MYO9B: variants seen among roughly 807,000 people sequenced by gnomAD.
MYO9B encodes myosin IXB.
Under a neutral mutation model 229.5 loss-of-function variants are expected in MYO9B, and 71 were observed. The observed-to-expected ratio is 0.31, with a 90% CI of 0.26 to 0.38. MYO9B has a LOEUF of 0.38. MYO9B is among the 10% of genes least tolerant of loss of function. MYO9B has a pLI of 1.00. For synonymous variants in MYO9B, 1,185 were observed against 1,235.8 expected (o/e 0.96, Z 0.86); for missense variants, 2,255 against 2,920.5 (o/e 0.77, Z 5.25).
At chr19:17,143,449 G>A (rs147160344) in intron 2 of MYO9B, among the ~76,000 whole-genome samples, 45 of 152,288 alleles carry the variant, frequency 3.0e-4, no homozygotes, top group African/African-American at 1.1e-3. Context: ...GAGGCCTATA[G>A]AAGCTCCATC....
At chr19:17,124,543 G>A (rs977437522) in intron 2 of MYO9B, among the ~76,000 whole-genome samples, 5 of 151,830 alleles carry the variant, frequency 3.3e-5, no homozygotes, top group Non-Finnish European at 5.9e-5. Context: ...AGGCCAAGGC[G>A]GGCAGATCAC....
intron 4 of MYO9B, 135 bp downstream of exon 4, chr19:17,152,841 A>G (rs2145270835): frequency 1.4e-6 from 1 of 716,602 alleles, no homozygotes; most frequent in Non-Finnish European, 2.3e-6. Flanking sequence ...TCACAGGAGC[A>G]GGGCCTGCCC....
chr19:17,107,802 C>CCCCG (rs1210530919), intron 2 of MYO9B, among the ~76,000 whole-genome samples: 1 of 152,218 alleles, frequency 6.6e-6, no homozygotes, highest in Non-Finnish European at 1.5e-5. Flanking sequence ...GCCCATCCTA[C>CCCCG]CCCGGCATGA....
intron 24 of MYO9B, 81 bp from the exon 25 acceptor site, chr19:17,200,212 A>G (rs950704092): frequency 6.7e-7 from 1 of 1,503,430 alleles, no homozygotes; most frequent in Non-Finnish European, 9.0e-7. Flanking sequence ...AGCATTTGCC[A>G]TGTGTCCAGT....
At chr19:17,183,909 A>T (rs756855288) in intron 16 of MYO9B, 41 bp downstream of exon 16, 1 of 1,536,690 alleles carries the variant, frequency 6.5e-7, no homozygotes, top group South Asian at 1.2e-5. Context: ...GTTCCAAGAT[A>T]TCTTGCTTCT....
At chr19:17,080,589 G>A (rs1213082400) in intron 1 of MYO9B, among the ~76,000 whole-genome samples, 1 of 152,130 alleles carries the variant, frequency 6.6e-6, no homozygotes, top group Non-Finnish European at 1.5e-5. Flanking sequence ...GTCTCTAGGC[G>A]AGGCTTGGTG....
chr19:17,206,225 G>GTGCCCCCCCCC, intron 32 of MYO9B, 23 bp from the exon 33 acceptor site: 1 of 1,564,664 alleles, frequency 6.4e-7, no homozygotes, highest in Non-Finnish European at 8.7e-7. Flanking sequence ...CCGCTCACCA[G>GTGCCCCCCCCC]ACCCACCCCA....
Position 17,163,044 on chromosome 19 carries a change from C to G in MYO9B, c.1593C>G (p.Ser531Arg). 6.2e-7 allele frequency: 1 copy of G among 1,603,184 alleles called. No individual in the cohort carries two copies. The highest frequency in any genetic ancestry group is 8.5e-7 in the Non-Finnish European group (1 of 1,174,792). The part of the protein sequence containing the change: ...IFGFEDFERN[S>R]FEQFCINYAN... ...GGTTTGAAGACTTCGAGAGGAACAG[C>G]TTTGAGCAGTTCTGCATCAACTACG... Residue 531 changes from serine to arginine, a missense_variant, in exon 10 of 40, where the codon AGC becomes AGG. This residue lies in a region of MYO9B where 220 missense variants were observed against 404.5 expected (regional missense o/e 0.54). Coordinates refer to ENST00000682292, the MANE Select transcript of MYO9B (RefSeq NM_004145.4).
chr19:17,142,032 G>A (rs1568270931), intron 2 of MYO9B, among the ~76,000 whole-genome samples: 1 of 152,122 alleles, frequency 6.6e-6, no homozygotes, highest in South Asian at 2.1e-4. Flanking sequence ...TTAAAAATTA[G>A]CCAAGCATGG....
At chr19:17,091,652 G>A (rs2057639733) in intron 1 of MYO9B, among the ~76,000 whole-genome samples, 1 of 152,202 alleles carries the variant, frequency 6.6e-6, no homozygotes, top group African/African-American at 2.4e-5. Context: ...TGTGGGAGCA[G>A]GAGAGGACCA....
chr19:17,182,957 T>C (rs948619448), intron 15 of MYO9B, among the ~76,000 whole-genome samples: 1 of 152,026 alleles, frequency 6.6e-6, no homozygotes, highest in African/African-American at 2.4e-5. Context: ...AGTCTCTCTC[T>C]GTCACCCAGG....
intron 2 of MYO9B, among the ~76,000 whole-genome samples, chr19:17,116,086 G>A (rs931904674): frequency 6.6e-6 from 1 of 152,142 alleles, no homozygotes; most frequent in South Asian, 2.1e-4. Flanking sequence ...GCTGGCAGGA[G>A]CTGTGCGGGG....
Position 17,102,313 on chromosome 19 carries a change from A to C in MYO9B, c.596A>C (p.Tyr199Ser). The change falls in exon 2 of 40, where the codon TAC (tyrosine) becomes TCC (serine). Residue 199 changes from tyrosine (Y) to serine (S), a missense_variant. Coordinates refer to ENST00000682292, the MANE Select transcript of MYO9B (RefSeq NM_004145.4). The stretch of plus-strand genomic sequence containing the variant: ...TTCCTGCCCATCTACAACCCCAAGT[A>C]CGTGAAGATGTATGAGAACCAGCAG... ...FKFLPIYNPK[Y>S]VKMYENQQLG... 6.2e-7 allele frequency: 1 copy of C among 1,614,034 alleles called. No individual in the cohort carries two copies. Among genetic ancestry groups the C allele is most frequent in the Non-Finnish European group, 8.5e-7 (1 of 1,179,888 alleles).
At chr19:17,173,701 G>T (rs1458154108) in intron 13 of MYO9B, among the ~76,000 whole-genome samples, 1 of 152,140 alleles carries the variant, frequency 6.6e-6, no homozygotes, top group Admixed American at 6.6e-5. Flanking sequence ...TTGAGGCAGG[G>T]GGTGTGCCTG....
intron 1 of MYO9B, among the ~76,000 whole-genome samples, chr19:17,088,504 T>C (rs11669463): frequency 0.24 from 36,664 of 152,050 alleles, 5,509 homozygotes; most frequent in South Asian, 0.45. Context: ...CCCCAGCTGC[T>C]CCCCGAGGAG....
chr19:17,170,910 A>G (rs965009165), intron 11 of MYO9B, among the ~76,000 whole-genome samples: 1 of 151,772 alleles, frequency 6.6e-6, no homozygotes, highest in African/African-American at 2.4e-5. Flanking sequence ...GGGTCAGATC[A>G]GGGGAAGCCC....
chr19:17,211,530 T>A, intron 38 of MYO9B, 117 bp from the exon 39 acceptor site: 1 of 929,166 alleles, frequency 1.1e-6, no homozygotes, highest in Non-Finnish European at 1.6e-6. Context: ...CTGCTTGGGG[T>A]GGGGGGAGGT....
chr19:17,175,599 T>C (rs2072777571), intron 13 of MYO9B, 64 bp from the exon 14 acceptor site: 1 of 1,285,860 alleles, frequency 7.8e-7, no homozygotes, highest in Non-Finnish European at 1.1e-6. Context: ...ATAAAATGGG[T>C]TAAAATAATT....
At chr19:17,098,799 G>A (rs772952464) in intron 1 of MYO9B, among the ~76,000 whole-genome samples, 4 of 152,000 alleles carry the variant, frequency 2.6e-5, no homozygotes, top group Admixed American at 6.6e-5. Context: ...AGCATGCATC[G>A]TGGTGTGCAC....
Sources: gnomAD v4.1 joint callset for allele counts (sites outside exome capture counted in the v4.1 genomes callset) on GRCh38, gnomAD v4.1.1 for gene constraint, gnomAD v4.1.1 regional missense constraint, MANE v1.5 for transcripts, NCBI Gene and HGNC (gene_info 2026-07-23, HGNC 2026-07-21) for gene names.